NAV2: variants seen among roughly 807,000 people sequenced by gnomAD.
NAV2 encodes the protein neuron navigator 2, also known as helicase, APC down-regulated 1.
NAV2 carries 54 observed loss-of-function variants against 223.2 expected under a neutral mutation model. That is an observed-to-expected ratio of 0.24 (90% CI 0.19 to 0.30). NAV2 has a LOEUF of 0.30. Ranked by LOEUF, NAV2 falls within the 10% of genes least tolerant of loss-of-function variation. The pLI is 1.00. For synonymous variants in NAV2, 1,279 were observed against 1,239.3 expected (o/e 1.03, Z -0.67); for missense variants, 2,806 against 3,147.5 (o/e 0.89, Z 2.60).
At chr11:20,070,464 T>G (rs759019367) in intron 22 of NAV2, among the ~76,000 whole-genome samples, 3 of 152,228 alleles carry the variant, frequency 2.0e-5, no homozygotes, top group African/African-American at 4.8e-5. Flanking sequence ...CCTTGGGCCA[T>G]TTGGAACTCT....
intron 1 of NAV2, among the ~76,000 whole-genome samples, chr11:19,549,734 C>T (rs1453032009): frequency 6.6e-6 from 1 of 152,220 alleles, no homozygotes; most frequent in Non-Finnish European, 1.5e-5. Context: ...TGAGAGGTCT[C>T]AATCGTGATA....
chr11:20,069,192 T>G (rs1013718419), intron 22 of NAV2, among the ~76,000 whole-genome samples: 2 of 151,938 alleles, frequency 1.3e-5, no homozygotes, highest in African/African-American at 4.8e-5. Context: ...TAGGGGAGAA[T>G]GCATAGGGAT....
chr11:19,438,047 G>A (rs768989370), intron 1 of NAV2, among the ~76,000 whole-genome samples: 8 of 152,112 alleles, frequency 5.3e-5, no homozygotes, highest in Non-Finnish European at 1.0e-4. Context: ...GTTCCAAGCC[G>A]CCTCCTTGGC....
intron 16 of NAV2, 60 bp downstream of exon 16, chr11:20,049,961 TC>T: frequency 6.5e-7 from 1 of 1,529,210 alleles, no homozygotes; most frequent in South Asian, 1.1e-5. Context: ...CCATTCGTTG[TC>T]AAGCCAGATG....
chr11:19,667,375 G>A (rs1314069604), intron 1 of NAV2, among the ~76,000 whole-genome samples: 1 of 152,212 alleles, frequency 6.6e-6, no homozygotes, highest in African/African-American at 2.4e-5. Context: ...TAATTACAAT[G>A]TGTATCTGAC....
intron 1 of NAV2, among the ~76,000 whole-genome samples, chr11:19,543,135 A>T (rs1763005601): frequency 6.6e-6 from 1 of 152,228 alleles, no homozygotes; most frequent in Non-Finnish European, 1.5e-5. Flanking sequence ...ATAAATTTGA[A>T]GGTCAGAAAG....
At chr11:19,657,361 T>A (rs959679801) in intron 1 of NAV2, among the ~76,000 whole-genome samples, 4 of 152,208 alleles carry the variant, frequency 2.6e-5, no homozygotes, top group African/African-American at 9.7e-5. Flanking sequence ...ACTTATTTTA[T>A]ACATTTAATA....
chr11:19,732,181 C>A (rs1010819054), intron 1 of NAV2, among the ~76,000 whole-genome samples: 7 of 151,970 alleles, frequency 4.6e-5, no homozygotes, highest in African/African-American at 1.7e-4. Context: ...ATCGCTTGAA[C>A]CCAGGAGGCG....
intron 1 of NAV2, among the ~76,000 whole-genome samples, chr11:19,677,047 C>A (rs77159907): frequency 6.6e-6 from 1 of 152,156 alleles, no homozygotes; most frequent in African/African-American, 2.4e-5. Context: ...AGACTGCCAG[C>A]CACAGAAAAA....
At chr11:19,786,154 G>A (rs750529694) in intron 1 of NAV2, among the ~76,000 whole-genome samples, 12 of 152,178 alleles carry the variant, frequency 7.9e-5, no homozygotes, top group Admixed American at 2.0e-4. Flanking sequence ...ATGTACAATT[G>A]AAATAGACTT....
chr11:20,104,754 A>G (rs1225068171), intron 34 of NAV2: 1 of 152,228 alleles, frequency 6.6e-6, no homozygotes, highest in Non-Finnish European at 1.5e-5. Flanking sequence ...ACATCTGACC[A>G]TAGAACTCTC....
intron 1 of NAV2, among the ~76,000 whole-genome samples, chr11:19,800,498 C>T (rs1349051548): frequency 2.0e-5 from 3 of 152,192 alleles, no homozygotes; most frequent in Non-Finnish European, 1.5e-5. Flanking sequence ...TCTAAGTAGA[C>T]ACCCTAGGAC....
At chr11:19,884,845 A>G (rs979310151) in intron 5 of NAV2, among the ~76,000 whole-genome samples, 1 of 152,112 alleles carries the variant, frequency 6.6e-6, no homozygotes, top group Admixed American at 6.5e-5. Flanking sequence ...TTGAGTTATA[A>G]AGACTTGAGC....
intron 7 of NAV2, among the ~76,000 whole-genome samples, chr11:19,936,713 A>C (rs1161747196): frequency 6.6e-6 from 1 of 152,188 alleles, no homozygotes; most frequent in Admixed American, 6.5e-5. Context: ...GAGTGTGGGT[A>C]CAGAGTCCGC....
At chr11:19,856,596 G>C (rs906075470) in intron 3 of NAV2, among the ~76,000 whole-genome samples, 3 of 152,154 alleles carry the variant, frequency 2.0e-5, no homozygotes, top group Non-Finnish European at 4.4e-5. Flanking sequence ...GACGTTTCTA[G>C]TATTGTGCCT....
At chr11:19,674,685 G>A (rs2048667712) in intron 1 of NAV2, among the ~76,000 whole-genome samples, 1 of 152,158 alleles carries the variant, frequency 6.6e-6, no homozygotes, top group South Asian at 2.1e-4. Context: ...GGCTTCCTGG[G>A]CACTTCTCTG....
intron 1 of NAV2, among the ~76,000 whole-genome samples, chr11:19,571,052 T>G (rs1433851346): frequency 6.6e-6 from 1 of 152,214 alleles, no homozygotes; most frequent in Non-Finnish European, 1.5e-5. Flanking sequence ...ATCAACAGAT[T>G]AATAGATAAA....
At chr11:20,095,130 A>G (rs910330840) in intron 29 of NAV2, among the ~76,000 whole-genome samples, 1 of 152,242 alleles carries the variant, frequency 6.6e-6, no homozygotes, top group Non-Finnish European at 1.5e-5. Context: ...ATAGAAACAC[A>G]TTTTGTCCTG....
At chr11:19,549,176 A>G (rs1257858961) in intron 1 of NAV2, among the ~76,000 whole-genome samples, 1 of 152,206 alleles carries the variant, frequency 6.6e-6, no homozygotes, top group Non-Finnish European at 1.5e-5. Flanking sequence ...GCTGAAGCCA[A>G]GTGTCCACAC....
Sources: gnomAD v4.1 joint callset for allele counts (sites outside exome capture counted in the v4.1 genomes callset) on GRCh38, gnomAD v4.1.1 for gene constraint, MANE v1.5 for transcripts, NCBI Gene and HGNC (gene_info 2026-07-23, HGNC 2026-07-21) for gene names.